CFAP52: variants seen among roughly 807,000 people sequenced by gnomAD.
CFAP52 encodes the protein cilia- and flagella-associated protein 52.
In CFAP52, 57 loss-of-function variants were observed where a neutral mutation model predicts 70.5. That is an observed-to-expected ratio of 0.81 (90% confidence interval 0.65 to 1.01). CFAP52 has a LOEUF of 1.01. Ranked by LOEUF, CFAP52 falls within the 50% of genes least tolerant of loss-of-function variation. The pLI is 0.00. For missense variants in CFAP52, 785 were observed against 788.5 expected (o/e 1.00, Z 0.05); for synonymous variants, 267 against 292.5 (o/e 0.91, Z 0.89).
intron 11 of CFAP52, among the ~76,000 whole-genome samples, chr17:9,638,233 A>C (rs898355247): frequency 6.6e-6 from 1 of 152,146 alleles, no homozygotes; most frequent in Non-Finnish European, 1.5e-5. Context: ...TCCACTTCCA[A>C]ATGGTGGCCT....
chr17:9,605,108 G>T (rs961056817), intron 6 of CFAP52, among the ~76,000 whole-genome samples: 1 of 152,170 alleles, frequency 6.6e-6, no homozygotes, highest in Non-Finnish European at 1.5e-5. Flanking sequence ...ACCCAAAGGA[G>T]CTGAAAACTT....
At chr17:9,625,718 A>G (rs539259232) in intron 8 of CFAP52, among the ~76,000 whole-genome samples, 77 of 152,130 alleles carry the variant, frequency 5.1e-4, no homozygotes, top group African/African-American at 1.7e-3. Flanking sequence ...AGAAGAGCAA[A>G]CTCTTCCTGA....
chr17:9,643,342 T>C lies in CFAP52; in HGVS notation c.*144T>C. On this transcript the variant is annotated 3_prime_UTR_variant, in exon 14 of 14. Coordinates refer to ENST00000352665, the MANE Select transcript of CFAP52 (RefSeq NM_145054.5). ...TTTCTCTTTTTCTTTATAGAATGCA[T>C]TTTATATTCTTAAATTGCATATTAA... 1 of 598,726 alleles carries C rather than the reference T, an allele frequency of 1.7e-6. No homozygotes were observed. The highest frequency in any genetic ancestry group is 2.5e-6 in the Non-Finnish European group (1 of 400,246). The allele number at this position is 598,726 out of a possible 1,614,324, so 37.1% of individuals were successfully genotyped here. A position where few individuals can be genotyped will look rare whatever the true frequency, so the allele number is the denominator to read the frequency against.
intron 8 of CFAP52, among the ~76,000 whole-genome samples, chr17:9,614,453 G>A (rs1909833337): frequency 6.6e-6 from 1 of 152,132 alleles, no homozygotes; most frequent in South Asian, 2.1e-4. Flanking sequence ...ACCACGCCTG[G>A]CCTCTCAAAA....
intron 8 of CFAP52, among the ~76,000 whole-genome samples, chr17:9,614,265 C>G (rs965764029): frequency 8.6e-5 from 13 of 151,702 alleles, no homozygotes; most frequent in African/African-American, 3.1e-4. Flanking sequence ...AAGCAATTCT[C>G]CCACCTCAGC....
chr17:9,632,767 G>C, intron 9 of CFAP52, 121 bp from the exon 10 acceptor site: 1 of 1,399,262 alleles, frequency 7.1e-7, no homozygotes, highest in Non-Finnish European at 9.5e-7. Context: ...AGCTGAGCTG[G>C]TCTCTTTCCT....
intron 6 of CFAP52, among the ~76,000 whole-genome samples, chr17:9,607,779 G>T (rs1298626767): frequency 2.0e-5 from 3 of 152,102 alleles, no homozygotes; most frequent in Non-Finnish European, 4.4e-5. Context: ...TTTTAGGGAG[G>T]AAGGATGGTG....
intron 8 of CFAP52, among the ~76,000 whole-genome samples, chr17:9,622,552 AAAGAAG>A (rs1555543657): frequency 6.6e-6 from 1 of 151,376 alleles, no homozygotes; most frequent in Non-Finnish European, 1.5e-5. Flanking sequence ...ATTAAAAAAA[AAAGAAG>A]AAGAAGAAGA....
At chr17:9,591,663 G>A (rs7214348) in intron 3 of CFAP52, among the ~76,000 whole-genome samples, 55,931 of 152,016 alleles carry the variant, frequency 0.37, 13,241 homozygotes, top group East Asian at 0.9. Flanking sequence ...AGGATCACTT[G>A]AGCCTAGAAG....
Position 9,626,731 on chromosome 17 carries a change from G to A in CFAP52, c.1026-1941G>A, listed in dbSNP as rs1486961472. On this transcript the variant is annotated intron_variant, in intron 8 of 13. Transcript: ENST00000352665. ...TACATTAATCAAGACTGTCTGGCAA[G>A]AAGCCCCATCACATCTGTTGTCTCA... 1.3e-5 allele frequency among the ~76,000 whole-genome samples: 2 copies of A among 152,148 alleles called. 1 individual carries two copies. Among genetic ancestry groups the A allele is most frequent in the Middle Eastern group, 6.3e-3 (2 of 316 alleles).
intron 1 of CFAP52, among the ~76,000 whole-genome samples, chr17:9,581,417 T>A (rs11869132): frequency 0.018 from 2,800 of 152,218 alleles, 87 homozygotes; most frequent in African/African-American, 0.063. Flanking sequence ...GTATATAAAC[T>A]AATGAGGAAA....
intron 11 of CFAP52, 95 bp from the exon 12 acceptor site, chr17:9,638,514 C>T: frequency 8.3e-7 from 1 of 1,210,012 alleles, no homozygotes; most frequent in Non-Finnish European, 1.2e-6. Flanking sequence ...TAAACCAACC[C>T]AAATCCCAGC....
chr17:9,591,633 T>C (rs781683830), intron 3 of CFAP52, among the ~76,000 whole-genome samples: 8 of 152,172 alleles, frequency 5.3e-5, no homozygotes, highest in Admixed American at 1.3e-4. Context: ...ATCCAAGCAC[T>C]TTGGGAGGCC....
chr17:9,587,898 G>A (rs1908565777), intron 3 of CFAP52, among the ~76,000 whole-genome samples: 1 of 152,150 alleles, frequency 6.6e-6, no homozygotes, highest in Non-Finnish European at 1.5e-5. Flanking sequence ...AAAAGCCTCT[G>A]AGAAAAATAC....
At position 9,634,010 on chromosome 17, in the gene CFAP52, T is replaced by A. The variant is rs1717065411; in HGVS notation, c.1320+977T>A. On this transcript the variant is annotated intron_variant, in intron 10 of 13. Transcript: ENST00000352665. ...TTATCTTTTAAAGCAGGTGATGGTT[T>A]TAGCATCAATTATTAAATACACCCA... is the stretch of plus-strand genomic sequence containing the variant. Among the ~76,000 whole-genome samples the A allele has an allele frequency of 3.3e-5, 5 of 152,250 alleles. No homozygotes were observed. In the South Asian group the frequency reaches 1.0e-3, roughly 32 times the overall value.
intron 1 of CFAP52, among the ~76,000 whole-genome samples, chr17:9,581,087 C>T (rs1278942170): frequency 6.6e-6 from 1 of 152,174 alleles, no homozygotes; most frequent in Non-Finnish European, 1.5e-5. Context: ...AAGGCCCAGG[C>T]GGGTGGATCA....
chr17:9,633,034 GTAT>G lies in CFAP52; in HGVS notation c.1320+3_1320+5del. 1 of 1,613,204 alleles carries G rather than the reference GTAT, an allele frequency of 6.2e-7. No individual in the cohort carries two copies. The highest frequency in any genetic ancestry group is 8.5e-7 in the Non-Finnish European group (1 of 1,179,702). ...CATCAGTGGCGGTGGGGAAGGGGAG[GTAT>G]TGAAAGCAGAAATTTGAAAAAATAA... On this transcript the variant is annotated splice_donor_variant and splice_donor_region_variant and intron_variant, in intron 10 of 13. Coordinates refer to ENST00000352665, the MANE Select transcript of CFAP52 (RefSeq NM_145054.5). LOFTEE classifies it high-confidence loss of function.
chr17:9,595,897 T>TA (rs953060935), intron 4 of CFAP52, among the ~76,000 whole-genome samples: 58 of 142,328 alleles, frequency 4.1e-4, no homozygotes, highest in Middle Eastern at 3.6e-3. Flanking sequence ...GCTCTTTGTT[T>TA]AAAAAAAAAA....
chr17:9,629,405 T>C (rs1040530473), intron 9 of CFAP52, among the ~76,000 whole-genome samples: 1 of 152,212 alleles, frequency 6.6e-6, no homozygotes, highest in Non-Finnish European at 1.5e-5. Context: ...AAAAGTTCAG[T>C]GGATCTTTAG....
Sources: gnomAD v4.1 joint callset for allele counts (sites outside exome capture counted in the v4.1 genomes callset) on GRCh38, gnomAD v4.1.1 for gene constraint, MANE v1.5 for transcripts, NCBI Gene and HGNC (gene_info 2026-07-23, HGNC 2026-07-21) for gene names.